ADGRL3: variants seen among roughly 807,000 people sequenced by gnomAD.
ADGRL3 encodes the protein calcium-independent alpha-latrotoxin receptor 3.
ADGRL3 carries 62 observed loss-of-function variants against 153.5 expected under a neutral mutation model. The observed-to-expected ratio is 0.40, with a 90% CI of 0.33 to 0.50. The LOEUF (loss-of-function observed/expected upper bound fraction) is 0.50. ADGRL3 is among the 20% of genes least tolerant of loss of function. The pLI is 0.47. For missense variants in ADGRL3, 1,641 were observed against 1,859.4 expected, an observed-to-expected ratio of 0.88 and a Z score of 2.16; for synonymous variants, 710 against 672.5, an observed-to-expected ratio of 1.06 and a Z score of -0.86.
At chr4:61,456,477 CTATATA>C (rs1173239786) in intron 2 of ADGRL3, among the ~76,000 whole-genome samples, 1 of 105,710 alleles carries the variant, frequency 9.5e-6, no homozygotes, top group Non-Finnish European at 1.9e-5. Context: ...ATATCTATAT[CTATATA>C]TATAGATATA....
At chr4:61,660,061 C>T in intron 5 of ADGRL3, among the ~76,000 whole-genome samples, 1 of 152,134 alleles carries the variant, frequency 6.6e-6, no homozygotes, top group Non-Finnish European at 1.5e-5. Context: ...CACACCTTAA[C>T]CAAATGCCAA....
chr4:61,864,592 T>C (rs2098382403), intron 9 of ADGRL3, among the ~76,000 whole-genome samples: 1 of 152,208 alleles, frequency 6.6e-6, no homozygotes, highest in Non-Finnish European at 1.5e-5. Context: ...GAAACTATAG[T>C]AATGCTGGCT....
intron 2 of ADGRL3, among the ~76,000 whole-genome samples, chr4:61,395,235 T>G (rs569163252): frequency 1.3e-5 from 2 of 152,112 alleles, no homozygotes; most frequent in South Asian, 4.1e-4. Context: ...AATGAATGCT[T>G]CTTCTCATTA....
intron 13 of ADGRL3, among the ~76,000 whole-genome samples, chr4:61,914,140 G>A (rs573047366): frequency 8.5e-5 from 13 of 152,188 alleles, no homozygotes; most frequent in South Asian, 2.1e-4. Context: ...ATATACTCTC[G>A]TTCTGGAAAT....
At chr4:61,750,659 G>A (rs1384788133) in intron 8 of ADGRL3, among the ~76,000 whole-genome samples, 3 of 151,226 alleles carry the variant, frequency 2.0e-5, no homozygotes, top group East Asian at 3.9e-4. Context: ...GCGTAGTGGC[G>A]GGCGCCTGTA....
chr4:61,291,233 C>T (rs1216717439), intron 1 of ADGRL3, among the ~76,000 whole-genome samples: 1 of 151,130 alleles, frequency 6.6e-6, no homozygotes, highest in African/African-American at 2.4e-5. Flanking sequence ...CACACACACC[C>T]CTCTGTGTCC....
intron 1 of ADGRL3, among the ~76,000 whole-genome samples, chr4:61,327,072 T>C (rs1419430045): frequency 1.3e-5 from 2 of 152,124 alleles, no homozygotes; most frequent in South Asian, 2.1e-4. Flanking sequence ...TCAACCAAAC[T>C]ATATATTTCA....
At chr4:61,395,627 A>G (rs1321184529) in intron 2 of ADGRL3, among the ~76,000 whole-genome samples, 1 of 152,124 alleles carries the variant, frequency 6.6e-6, no homozygotes, top group East Asian at 1.9e-4. Flanking sequence ...TATAATAAAA[A>G]CATGAAGGTT....
chr4:61,936,932 A>G (rs1206797389), intron 15 of ADGRL3, among the ~76,000 whole-genome samples: 3 of 152,124 alleles, frequency 2.0e-5, no homozygotes, highest in Admixed American at 2.0e-4. Flanking sequence ...CAGGGTGAAT[A>G]GTTTTGATAA....
chr4:61,999,846 A>T (rs1281880211), intron 21 of ADGRL3, among the ~76,000 whole-genome samples: 2 of 152,182 alleles, frequency 1.3e-5, no homozygotes, highest in African/African-American at 4.8e-5. Flanking sequence ...GAAAAATTAA[A>T]ATATAGTGGT....
chr4:61,279,879 A>G (rs1032320529), intron 1 of ADGRL3, among the ~76,000 whole-genome samples: 1 of 152,070 alleles, frequency 6.6e-6, no homozygotes, highest in South Asian at 2.1e-4. Flanking sequence ...CTTTGGCCAA[A>G]GTTTCCCCGT....
chr4:61,488,086 A>G (rs1452282986), intron 2 of ADGRL3, among the ~76,000 whole-genome samples: 11 of 152,052 alleles, frequency 7.2e-5, no homozygotes, highest in Non-Finnish European at 1.2e-4. Flanking sequence ...ACATTAATCT[A>G]TTTCATAGAT....
intron 10 of ADGRL3, 149 bp downstream of exon 10, chr4:61,893,107 CCTT>C (rs2098600995): frequency 2.5e-6 from 1 of 395,846 alleles, no homozygotes; most frequent in Admixed American, 4.7e-5. Context: ...TTCCTTCCTT[CCTT>C]CTTTCTTTCT....
At chr4:61,976,756 T>G (rs2099049583) in intron 17 of ADGRL3, among the ~76,000 whole-genome samples, 1 of 152,194 alleles carries the variant, frequency 6.6e-6, no homozygotes, top group African/African-American at 2.4e-5. Context: ...CTTCGCCTTC[T>G]GCCATGATTG....
chr4:61,951,973 A>T (rs1458534847), intron 17 of ADGRL3, among the ~76,000 whole-genome samples: 1 of 152,218 alleles, frequency 6.6e-6, no homozygotes, highest in African/African-American at 2.4e-5. Context: ...TGTGGTAGTC[A>T]TGAAGAGGAT....
intron 1 of ADGRL3, among the ~76,000 whole-genome samples, chr4:61,337,344 A>G (rs1398563171): frequency 6.6e-6 from 1 of 152,150 alleles, no homozygotes; most frequent in African/African-American, 2.4e-5. Flanking sequence ...GACAGTTACA[A>G]ATTAAGCAGG....
intron 2 of ADGRL3, among the ~76,000 whole-genome samples, chr4:61,402,091 C>T (rs933354225): frequency 1.3e-5 from 2 of 152,110 alleles, no homozygotes; most frequent in South Asian, 4.1e-4. Flanking sequence ...ATAATTTTCA[C>T]ATGTCATGAA....
intron 2 of ADGRL3, chr4:61,427,691 C>T (rs2097299584): frequency 6.5e-6 from 1 of 152,796 alleles, no homozygotes; most frequent in South Asian, 2.1e-4. Flanking sequence ...GGTATCAGAC[C>T]TGGCGGGGGT....
intron 6 of ADGRL3, among the ~76,000 whole-genome samples, chr4:61,695,273 C>A (rs548763414): frequency 6.6e-6 from 1 of 152,248 alleles, no homozygotes; most frequent in African/African-American, 2.4e-5. Flanking sequence ...AATAGTAAGA[C>A]TTAAACATTG....
Sources: allele counts gnomAD v4.1 joint callset (sites outside exome capture counted in the v4.1 genomes callset), GRCh38; gene constraint gnomAD v4.1.1; transcripts MANE v1.5; gene names NCBI Gene and HGNC (gene_info 2026-07-23, HGNC 2026-07-21).